Variants in MAPK8IP3 observed in about 807,000 individuals in gnomAD.
The protein encoded by MAPK8IP3 is C-Jun-amino-terminal kinase-interacting protein 3.
In MAPK8IP3, 49 loss-of-function variants were observed where a neutral mutation model predicts 157.8. The ratio of observed to expected loss-of-function variants is 0.31; its 90% CI spans 0.25 to 0.39. The LOEUF (loss-of-function observed/expected upper bound fraction) is 0.39. Among genes scored for constraint, MAPK8IP3 ranks in the 10% least tolerant of loss-of-function variants. MAPK8IP3 has a pLI of 1.00. For missense variants in MAPK8IP3, 1,478 were observed against 1,889.4 expected, an observed-to-expected ratio of 0.78 and a Z score of 4.04; for synonymous variants, 897 against 777.7, an observed-to-expected ratio of 1.15 and a Z score of -2.55.
rs1389366278 is a variant in MAPK8IP3, at chr16:1,712,071, TTC to T, written c.318+5416_318+5417del. Reference sequence around the variant, plus strand: ...GAGTTCTTTTTTTTTTTTTTTTTTTTTCTTTTTTGAGATGGAGTCTCGCTCTG... The same window carrying T: ...GAGTTCTTTTTTTTTTTTTTTTTTTTTTTTTTGAGATGGAGTCTCGCTCTG... On this transcript the variant is annotated intron_variant, in intron 1 of 31. Transcript: ENST00000610761. 5.1e-4 allele frequency among the ~76,000 whole-genome samples: 63 copies of T among 122,494 alleles called. 24 individuals carry two copies. Among genetic ancestry groups the T allele is most frequent in the Non-Finnish European group, 6.7e-4 (38 of 56,788 alleles). The allele number at this position is 122,494 out of a possible 152,430, so 80.4% of individuals were successfully genotyped here.
rs1449808314 is a variant in MAPK8IP3, at chr16:1,742,562, G to A, written c.603-770G>A. 6.6e-6 allele frequency among the ~76,000 whole-genome samples: 1 copy of A among 152,210 alleles called. No homozygotes were observed. Among genetic ancestry groups the A allele is most frequent in the African/African-American group, 2.4e-5 (1 of 41,458 alleles). On this transcript the variant is annotated intron_variant, in intron 4 of 31. Coordinates refer to ENST00000610761, the MANE Select transcript of MAPK8IP3 (RefSeq NM_001318852.2). The surrounding 1 kb of genome is among the most constrained non-coding windows in gnomAD (Gnocchi z 5.0). The stretch of plus-strand genomic sequence containing the variant: ...TCGTGTTCAGATATTTTGCAGTGAG[G>A]CAGCCTCATGAACAGGAGTAATGAG...
rs1596759711 is a variant in MAPK8IP3 at position 1,759,093 on chromosome 16, G to A, written c.1246+98G>A. On this transcript the variant is annotated intron_variant, in intron 10 of 31. Coordinates refer to ENST00000610761, the MANE Select transcript of MAPK8IP3 (RefSeq NM_001318852.2). ...TGCTTTGTTCTGCATGATGGGGACA[G>A]TGTTGGGGCCGCCGGGGTCAGGGGG... 4 of 1,523,160 alleles carry A rather than the reference G, an allele frequency of 2.6e-6. No homozygotes were observed. The East Asian group carries it at 6.8e-5, about 26-fold the overall frequency. 94.4% of individuals were successfully genotyped at this position (1,523,160 alleles called of 1,614,324 possible).
chr16:1,747,122 G>C lies in MAPK8IP3; in HGVS notation c.841G>C (p.Val281Leu), dbSNP rs747820815. ...CAAGTCCAACACGCCCACATCCTCC[G>C]TGCCCTCGGCCGCCGTCACACCCCT... is the stretch of plus-strand genomic sequence containing the variant. ...GTKSNTPTSS[V>L]PSAAVTPLNE... The change falls in exon 6 of 32, where the codon GTG becomes CTG. Residue 281 changes from valine to leucine, a missense_variant. Around this residue, in one of 11 missense-constraint regions of MAPK8IP3, gnomAD observed 315 missense variants for 394.4 expected, o/e 0.80. Coordinates refer to ENST00000610761, the MANE Select transcript of MAPK8IP3 (RefSeq NM_001318852.2). The C allele has an allele frequency of 1.9e-6, 3 of 1,613,888 alleles. No individual in the cohort carries two copies. The highest frequency in any genetic ancestry group is 2.5e-6 in the Non-Finnish European group (3 of 1,179,948).
At chr16:1,765,708 C>T (rs186875210) in intron 20 of MAPK8IP3, among the ~76,000 whole-genome samples, 1 of 152,184 alleles carries the variant, frequency 6.6e-6, no homozygotes, top group African/African-American at 2.4e-5. Flanking sequence ...AGGTTGTTTG[C>T]TCCCAGAACC....
chr16:1,719,799 A>G (rs1396519197), intron 1 of MAPK8IP3, among the ~76,000 whole-genome samples: 1 of 152,090 alleles, frequency 6.6e-6, no homozygotes, highest in Non-Finnish European at 1.5e-5. Flanking sequence ...TGGGTGACAG[A>G]GGGAGACCCT....
rs763991714 is a variant in MAPK8IP3, at chr16:1,767,268, G to A, written c.3208G>A (p.Val1070Ile). The change falls in exon 26 of 32, where the codon GTC becomes ATC. Residue 1070 changes from valine to isoleucine, a missense_variant. Around this residue, in one of 11 missense-constraint regions of MAPK8IP3, gnomAD observed 669 missense variants for 759.8 expected, o/e 0.88. Coordinates refer to ENST00000610761, the MANE Select transcript of MAPK8IP3 (RefSeq NM_001318852.2). ...VWCGYKNKVH[V>I]IQPKTMQIEK... Reference sequence around the variant, plus strand: ...GTGTGGCTACAAGAACAAGGTGCACGTCATCCAGCCCAAGACCATGCAGAT... The same window carrying A: ...GTGTGGCTACAAGAACAAGGTGCACATCATCCAGCCCAAGACCATGCAGAT... 75 of 1,613,140 alleles carry A rather than the reference G, an allele frequency of 4.6e-5. No homozygotes were observed. The highest frequency in any genetic ancestry group is 6.7e-5 in the African/African-American group (5 of 74,942).
chr16:1,712,322 A>G (rs1482963297), intron 1 of MAPK8IP3, among the ~76,000 whole-genome samples: 2 of 151,376 alleles, frequency 1.3e-5, no homozygotes, highest in African/African-American at 4.9e-5. Context: ...CGGCCTCCCA[A>G]AGTGCTGGGA....
intron 5 of MAPK8IP3, chr16:1,746,690 A>G: frequency 3.4e-6 from 1 of 295,180 alleles, no homozygotes; most frequent in Non-Finnish European, 6.4e-6. Context: ...AACAGCCACA[A>G]GCTACAGGGG....
At chr16:1,760,288 T>A in intron 11 of MAPK8IP3, 92 bp from the exon 12 acceptor site, 1 of 1,490,368 alleles carries the variant, frequency 6.7e-7, no homozygotes, top group South Asian at 1.3e-5. Flanking sequence ...CTGTGCCTTC[T>A]CCAGGGCGGA....
In MAPK8IP3 at chr16:1,743,697, T is replaced by C; in HGVS notation, c.747+221T>C. 7.1e-7 allele frequency: 1 copy of C among 1,399,410 alleles called. No homozygotes were observed. The highest frequency in any genetic ancestry group is 9.2e-7 in the Non-Finnish European group (1 of 1,084,692). The allele number at this position is 1,399,410 out of a possible 1,614,324, so 86.7% of individuals were successfully genotyped here. A position where few individuals can be genotyped will look rare whatever the true frequency, so the allele number is the denominator to read the frequency against. Reference sequence around the variant, plus strand: ...TGTGGCTGTTCCACGCGGCCTCGTGTCGGCACCTGCTAGTCCAGGCTAGAC... The same window carrying C: ...TGTGGCTGTTCCACGCGGCCTCGTGCCGGCACCTGCTAGTCCAGGCTAGAC... On this transcript the variant is annotated intron_variant, in intron 5 of 31. Transcript: ENST00000610761. The surrounding 1 kb of genome is among the most constrained non-coding windows in gnomAD (Gnocchi z 5.6).
chr16:1,759,114 G>T, intron 10 of MAPK8IP3, 119 bp downstream of exon 10: 3 of 1,358,794 alleles, frequency 2.2e-6, no homozygotes, highest in Non-Finnish European at 2.1e-6. Context: ...GCCGGGGTCA[G>T]GGGGGCAGCC....
At chr16:1,714,291 T>A (rs1363515550) in intron 1 of MAPK8IP3, 2 of 147,098 alleles carry the variant, frequency 1.4e-5, no homozygotes, top group Non-Finnish European at 2.9e-5. Context: ...AGCACTGCTC[T>A]GGGGCAGGCT....
chr16:1,737,488 G>A (rs570549104), intron 4 of MAPK8IP3, among the ~76,000 whole-genome samples: 4 of 104,066 alleles, frequency 3.8e-5, no homozygotes, highest in South Asian at 1.1e-3. Context: ...GTGACCGTCC[G>A]TGTGAGCGTC....
chr16:1,758,264 C>G, intron 9 of MAPK8IP3, 105 bp downstream of exon 9: 1 of 1,321,552 alleles, frequency 7.6e-7, no homozygotes, highest in Non-Finnish European at 1.1e-6. Context: ...GTGGACTGCC[C>G]CCCACGTCGC....
chr16:1,750,173 A>G (rs1596717559), intron 8 of MAPK8IP3, among the ~76,000 whole-genome samples: 1 of 152,162 alleles, frequency 6.6e-6, no homozygotes, highest in South Asian at 2.1e-4. Flanking sequence ...ATATTTTGCT[A>G]TCCTTCCACT....
At chr16:1,759,244 CGGGCAGACCCTGCCTGTGGG>C (rs11271062) in intron 10 of MAPK8IP3, among the ~76,000 whole-genome samples, 17,879 of 152,154 alleles carry the variant, frequency 0.12, 1,532 homozygotes, top group African/African-American at 0.24. Context: ...CCACAAGCGC[CGGGCAGACCCTGCCTGTGGG>C]GAGGAAGGCC....
chr16:1,769,533 T>G lies in MAPK8IP3; in HGVS notation c.*709T>G, dbSNP rs1327016957. ...GCAGGCAGGCTCTTGCCAGCCCCGT[T>G]CTGACCCGTGTCCCCCCAGGCTCTG... On this transcript the variant is annotated 3_prime_UTR_variant, in exon 32 of 32. Transcript: ENST00000610761. 6.6e-6 allele frequency: 1 copy of G among 152,614 alleles called. No homozygotes were observed. Among genetic ancestry groups the G allele is most frequent in the Non-Finnish European group, 1.5e-5 (1 of 68,228 alleles). The allele number at this position is 152,614 out of a possible 1,614,324, so 9.5% of individuals were successfully genotyped here.
At chr16:1,762,231 C>T in intron 13 of MAPK8IP3, 120 bp from the exon 14 acceptor site, 1 of 1,338,900 alleles carries the variant, frequency 7.5e-7, no homozygotes, top group Non-Finnish European at 1.0e-6. Flanking sequence ...CCGCTTCTTG[C>T]CTGAGGATCT....
intron 2 of MAPK8IP3, among the ~76,000 whole-genome samples, chr16:1,726,067 A>G (rs1309738505): frequency 6.6e-6 from 1 of 152,236 alleles, no homozygotes. Context: ...TAAAAAGTTA[A>G]GATCAAATTT....
Sources: gnomAD v4.1 joint callset for allele counts (sites outside exome capture counted in the v4.1 genomes callset) on GRCh38, gnomAD v4.1.1 for gene constraint, gnomAD v4.1.1 regional missense constraint, Gnocchi (gnomAD v3.1) non-coding constraint, MANE v1.5 for transcripts, NCBI Gene and HGNC (gene_info 2026-07-23, HGNC 2026-07-21) for gene names.